SHISA6: variants seen among roughly 807,000 people sequenced by gnomAD.
SHISA6 encodes shisa family member 6.
A neutral mutation model predicts 47.9 loss-of-function variants in SHISA6; 22 were observed. The ratio of observed to expected loss-of-function variants is 0.46; its 90% CI spans 0.33 to 0.66. The LOEUF is 0.66. SHISA6 is among the 30% of genes least tolerant of loss of function. The pLI is 0.02. For synonymous variants in SHISA6, 388 were observed against 337.8 expected, an observed-to-expected ratio of 1.15 and a Z score of -1.63; for missense variants, 680 against 764.6, an observed-to-expected ratio of 0.89 and a Z score of 1.30.
chr17:11,538,543 A>G (rs1333819583), intron 3 of SHISA6, among the ~76,000 whole-genome samples: 1 of 152,202 alleles, frequency 6.6e-6, no homozygotes. Context: ...GGCCTGGACT[A>G]TAGGGCAGCC....
chr17:11,475,331 T>C (rs921370186), intron 3 of SHISA6, among the ~76,000 whole-genome samples: 1 of 152,140 alleles, frequency 6.6e-6, no homozygotes, highest in Admixed American at 6.5e-5. Flanking sequence ...AAAAGGAGTG[T>C]TGAGAGGGGG....
At chr17:11,398,442 C>T (rs1034549534) in intron 3 of SHISA6, among the ~76,000 whole-genome samples, 2 of 152,042 alleles carry the variant, frequency 1.3e-5, no homozygotes, top group African/African-American at 2.4e-5. Flanking sequence ...CTCCAGAGTG[C>T]TTCTTTCCCT....
chr17:11,271,817 C>T (rs1908678753), intron 2 of SHISA6, among the ~76,000 whole-genome samples: 1 of 151,974 alleles, frequency 6.6e-6, no homozygotes, highest in Non-Finnish European at 1.5e-5. Context: ...TCCTTCTGTG[C>T]CTGGGACCCC....
chr17:11,328,406 A>ATT (rs890457260), intron 2 of SHISA6, among the ~76,000 whole-genome samples: 39 of 152,282 alleles, frequency 2.6e-4, no homozygotes, highest in African/African-American at 8.9e-4. Flanking sequence ...TCATTCTGAC[A>ATT]TTTACTGGTT....
chr17:11,293,427 C>G (rs1005619115), intron 2 of SHISA6, among the ~76,000 whole-genome samples: 2 of 152,154 alleles, frequency 1.3e-5, no homozygotes, highest in Admixed American at 1.3e-4. Flanking sequence ...CGGCAGTGCC[C>G]TTTACTAAGA....
chr17:11,278,811 C>G (rs997788542), intron 2 of SHISA6, among the ~76,000 whole-genome samples: 10 of 152,140 alleles, frequency 6.6e-5, no homozygotes, highest in African/African-American at 2.4e-4. Flanking sequence ...AATAGATAAG[C>G]CTGCACTTTA....
intron 3 of SHISA6, among the ~76,000 whole-genome samples, chr17:11,419,075 G>A (rs1246237872): frequency 6.6e-6 from 1 of 151,764 alleles, no homozygotes; most frequent in Non-Finnish European, 1.5e-5. Flanking sequence ...GGGGTGGGGG[G>A]AGCGGGGAGG....
intron 3 of SHISA6, among the ~76,000 whole-genome samples, chr17:11,412,547 T>A (rs1010174304): frequency 2.6e-5 from 2 of 76,476 alleles, no homozygotes; most frequent in Non-Finnish European, 4.8e-5. Context: ...GACTTCTTCT[T>A]TTTTTTTTTT....
At chr17:11,523,379 A>G (rs1158305899) in intron 3 of SHISA6, among the ~76,000 whole-genome samples, 5 of 152,356 alleles carry the variant, frequency 3.3e-5, no homozygotes, top group African/African-American at 1.2e-4. Flanking sequence ...CAAAAAGTGT[A>G]GCTGAATGAA....
At chr17:11,550,137 C>T (rs1010355541) in intron 3 of SHISA6, among the ~76,000 whole-genome samples, 2 of 152,078 alleles carry the variant, frequency 1.3e-5, no homozygotes, top group African/African-American at 4.8e-5. Flanking sequence ...TCACTGCAAC[C>T]TCTGCCTCCC....
At chr17:11,323,632 C>G (rs1427664205) in intron 2 of SHISA6, among the ~76,000 whole-genome samples, 2 of 151,594 alleles carry the variant, frequency 1.3e-5, no homozygotes, top group East Asian at 3.9e-4. Flanking sequence ...CCATCCTGGG[C>G]AACAGAGTGA....
At chr17:11,331,378 G>A (rs1386426601) in intron 2 of SHISA6, among the ~76,000 whole-genome samples, 1 of 152,094 alleles carries the variant, frequency 6.6e-6, no homozygotes, top group Non-Finnish European at 1.5e-5. Context: ...GTTCTCACAG[G>A]TAAATTTCAC....
intron 2 of SHISA6, among the ~76,000 whole-genome samples, chr17:11,371,155 G>T (rs1308119173): frequency 6.6e-6 from 1 of 152,210 alleles, no homozygotes; most frequent in Non-Finnish European, 1.5e-5. Context: ...TCTCCAGTTA[G>T]ACCTGGCCTG....
At chr17:11,321,402 A>G (rs1334246678) in intron 2 of SHISA6, among the ~76,000 whole-genome samples, 1 of 152,216 alleles carries the variant, frequency 6.6e-6, no homozygotes, top group Non-Finnish European at 1.5e-5. Flanking sequence ...AGGAATGAGA[A>G]TGAATTCTGG....
intron 3 of SHISA6, among the ~76,000 whole-genome samples, chr17:11,539,985 C>T (rs779692418): frequency 2.2e-4 from 34 of 152,128 alleles, no homozygotes; most frequent in Admixed American, 7.9e-4. Context: ...GAAGAGCCCT[C>T]GACAAAATCA....
chr17:11,279,466 G>A (rs1453479167), intron 2 of SHISA6, among the ~76,000 whole-genome samples: 2 of 152,102 alleles, frequency 1.3e-5, no homozygotes, highest in African/African-American at 4.8e-5. Flanking sequence ...CAATAATCCA[G>A]GTGATCTCAG....
At chr17:11,278,254 T>C (rs1466257549) in intron 2 of SHISA6, among the ~76,000 whole-genome samples, 1 of 152,144 alleles carries the variant, frequency 6.6e-6, no homozygotes, top group Non-Finnish European at 1.5e-5. Context: ...TTCCCTACTT[T>C]TGGTTCTGAT....
chr17:11,319,003 C>G (rs1309343088), intron 2 of SHISA6, among the ~76,000 whole-genome samples: 2 of 150,952 alleles, frequency 1.3e-5, no homozygotes, highest in African/African-American at 2.4e-5. Flanking sequence ...CTGGTCTATT[C>G]TAGTATTCAG....
At chr17:11,296,253 TTTGGAGAATGG>T (rs1177550768) in intron 2 of SHISA6, among the ~76,000 whole-genome samples, 33 of 152,194 alleles carry the variant, frequency 2.2e-4, no homozygotes, top group Middle Eastern at 3.4e-3. Flanking sequence ...CTGGCTGCTG[TTTGGAGAATGG>T]GCTGAGGGGC....
Sources: allele counts gnomAD v4.1 joint callset (sites outside exome capture counted in the v4.1 genomes callset), GRCh38; gene constraint gnomAD v4.1.1; transcripts MANE v1.5; gene names NCBI Gene and HGNC (gene_info 2026-07-23, HGNC 2026-07-21).